Variants in ANXA8 observed in about 807,000 individuals in gnomAD.
ANXA8 encodes annexin A8, also known as VAC-beta.
In ANXA8, 9 loss-of-function variants were observed where a neutral mutation model predicts 26.8. That is an observed-to-expected ratio of 0.34 (90% CI 0.20 to 0.59). The LOEUF is 0.59. ANXA8 is among the 20% of genes least tolerant of loss of function. The pLI is 0.84. For synonymous variants in ANXA8, 39 were observed against 94.8 expected (o/e 0.41, Z 3.42); for missense variants, 83 against 238.5 (o/e 0.35, Z 4.29).
chr10:47,688,488 C>A, the ANXA8 span, among the ~76,000 whole-genome samples: 1 of 151,150 alleles, frequency 6.6e-6, no homozygotes, highest in Non-Finnish European at 1.5e-5. Flanking sequence ...GTGGTGAGAT[C>A]TTGGCTCACT....
the ANXA8 span, among the ~76,000 whole-genome samples, chr10:47,558,366 C>T: frequency 4.6e-5 from 7 of 151,744 alleles, no homozygotes; most frequent in Non-Finnish European, 1.0e-4. Flanking sequence ...GCTCTGTGGC[C>T]GACACCTGTG....
At chr10:47,768,769 A>C in the ANXA8 span, among the ~76,000 whole-genome samples, 4 of 151,714 alleles carry the variant, frequency 2.6e-5, no homozygotes, top group South Asian at 6.2e-4. Flanking sequence ...CTGCTGGTGG[A>C]GGTGCACAGG....
chr10:47,717,998 A>G, the ANXA8 span, among the ~76,000 whole-genome samples: 1 of 3,034 alleles, frequency 3.3e-4, no homozygotes, highest in African/African-American at 8.9e-4. Flanking sequence ...ACTCTGTCTC[A>G]AAAAAAAAAA....
the ANXA8 span, among the ~76,000 whole-genome samples, chr10:47,946,196 A>T: frequency 6.7e-6 from 1 of 148,206 alleles, no homozygotes; most frequent in Non-Finnish European, 1.5e-5. Context: ...AATTATTTGA[A>T]TGCTATCCAT....
At chr10:47,615,992 T>G in the ANXA8 span, among the ~76,000 whole-genome samples, 21,599 of 66,478 alleles carry the variant, frequency 0.32, 9,427 homozygotes, top group African/African-American at 0.81. Flanking sequence ...AGGCATTGAG[T>G]CTTTTGATAA....
the ANXA8 span, among the ~76,000 whole-genome samples, chr10:47,718,083 C>CTACAGGAG: frequency 3.3e-5 from 5 of 151,882 alleles, no homozygotes; most frequent in African/African-American, 1.2e-4. Context: ...ACTCTGCCTA[C>CTACAGGAG]TACAGGAGAC....
the ANXA8 span, among the ~76,000 whole-genome samples, chr10:47,647,468 C>T: frequency 0.01 from 1,516 of 148,432 alleles, no homozygotes; most frequent in African/African-American, 0.037. Context: ...AAACATATTC[C>T]GAGATTAAAA....
chr10:47,544,126 C>T, the ANXA8 span, among the ~76,000 whole-genome samples: 15 of 151,830 alleles, frequency 9.9e-5, no homozygotes, highest in African/African-American at 2.2e-4. Flanking sequence ...CACTGAAAAC[C>T]GAGGCTGAAC....
the ANXA8 span, among the ~76,000 whole-genome samples, chr10:47,769,392 G>A: frequency 6.7e-6 from 1 of 148,466 alleles, no homozygotes; most frequent in Non-Finnish European, 1.5e-5. Flanking sequence ...CTCTCCAAGG[G>A]CAGAGGCTGT....
the ANXA8 span, among the ~76,000 whole-genome samples, chr10:47,733,191 T>TTCTTTCTTTCTTTCTCTCTCTCTCTC: frequency 1.4e-4 from 15 of 106,540 alleles, no homozygotes; most frequent in East Asian, 5.4e-4. Flanking sequence ...CTTTCTTTCT[T>TTCTTTCTTTCTTTCTCTCTCTCTCTC]TCTTTCTTTC....
At chr10:47,724,923 A>G in the ANXA8 span, among the ~76,000 whole-genome samples, 3 of 136,288 alleles carry the variant, frequency 2.2e-5, no homozygotes, top group African/African-American at 8.0e-5. Context: ...TTATATAAAT[A>G]TTATATAATA....
chr10:47,749,329 A>G, the ANXA8 span, among the ~76,000 whole-genome samples: 4 of 150,358 alleles, frequency 2.7e-5, no homozygotes, highest in Non-Finnish European at 5.9e-5. Flanking sequence ...TTCTTCAGGT[A>G]GAAGAAAACT....
At chr10:47,576,329 G>C in the ANXA8 span, among the ~76,000 whole-genome samples, 1 of 132,252 alleles carries the variant, frequency 7.6e-6, no homozygotes, top group African/African-American at 2.6e-5. Flanking sequence ...AGTTGTCATT[G>C]CGCTTTCTTG....
the ANXA8 span, among the ~76,000 whole-genome samples, chr10:47,560,219 T>A: frequency 6.6e-6 from 1 of 151,746 alleles, no homozygotes; most frequent in Admixed American, 6.6e-5. Flanking sequence ...TTTATGAATA[T>A]CATTGGTTCC....
At chr10:47,521,597 G>A in the ANXA8 span, among the ~76,000 whole-genome samples, 1 of 143,526 alleles carries the variant, frequency 7.0e-6, no homozygotes, top group Non-Finnish European at 1.5e-5. Flanking sequence ...TGTTTATGAT[G>A]CAATGTTTTC....
chr10:47,657,876 T>C, the ANXA8 span, among the ~76,000 whole-genome samples: 248 of 151,374 alleles, frequency 1.6e-3, 1 homozygote, highest in Non-Finnish European at 3.0e-3. Context: ...ATAGACCTAT[T>C]TATTGGCTCA....
At chr10:47,778,917 TGA>T in the ANXA8 span, among the ~76,000 whole-genome samples, 1 of 151,366 alleles carries the variant, frequency 6.6e-6, no homozygotes. Context: ...TGATATGATA[TGA>T]TATGATATGA....
chr10:47,756,643 C>T, the ANXA8 span, among the ~76,000 whole-genome samples: 3 of 152,282 alleles, frequency 2.0e-5, no homozygotes, highest in Non-Finnish European at 4.4e-5. Flanking sequence ...GCCTGGCTTA[C>T]GGTGACCCCA....
the ANXA8 span, among the ~76,000 whole-genome samples, chr10:47,657,499 C>A: frequency 6.6e-6 from 1 of 151,812 alleles, no homozygotes; most frequent in Middle Eastern, 3.2e-3. Context: ...ATAGCTGTGG[C>A]CTTACAAAAC....
Sources: allele counts gnomAD v4.1 joint callset (sites outside exome capture counted in the v4.1 genomes callset), GRCh38; gene constraint gnomAD v4.1.1; transcripts MANE v1.5; gene names NCBI Gene and HGNC (gene_info 2026-07-23, HGNC 2026-07-21).